Variants in RIT2 observed in about 807,000 individuals in gnomAD.
The protein encoded by RIT2 is GTP-binding protein Rit2.
A neutral mutation model predicts 23.7 loss-of-function variants in RIT2; 24 were observed. That is an observed-to-expected ratio of 1.01 (90% confidence interval 0.73 to 1.43). The LOEUF (loss-of-function observed/expected upper bound fraction) is 1.43. Ranked by LOEUF, RIT2 falls within the 40% of genes most tolerant of loss-of-function variation. The probability of loss-of-function intolerance (pLI) is 0.00; values close to 1 mark genes in which losing one functional copy is unlikely to be tolerated. For synonymous variants in RIT2, 107 were observed against 91.1 expected, an observed-to-expected ratio of 1.17 and a Z score of -0.99; for missense variants, 236 against 266.9, an observed-to-expected ratio of 0.88 and a Z score of 0.81.
chr18:42,924,614 T>A (rs1266082144), intron 3 of RIT2, among the ~76,000 whole-genome samples: 1 of 152,112 alleles, frequency 6.6e-6, no homozygotes, highest in Non-Finnish European at 1.5e-5. Flanking sequence ...GAAACTTAAC[T>A]TCTGTTGGTG....
At chr18:42,799,364 A>T (rs544194739) in intron 4 of RIT2, among the ~76,000 whole-genome samples, 1 of 152,230 alleles carries the variant, frequency 6.6e-6, no homozygotes, top group Admixed American at 6.5e-5. Context: ...TGCATTTCTC[A>T]TAAATAATCA....
At chr18:43,071,565 G>A (rs770121827) in intron 1 of RIT2, among the ~76,000 whole-genome samples, 2 of 152,070 alleles carry the variant, frequency 1.3e-5, no homozygotes, top group Non-Finnish European at 2.9e-5. Flanking sequence ...GTACACATAT[G>A]TGCCTTTTGA....
intron 4 of RIT2, among the ~76,000 whole-genome samples, chr18:42,891,154 T>G (rs2144093650): frequency 6.6e-6 from 1 of 152,132 alleles, no homozygotes; most frequent in East Asian, 1.9e-4. Flanking sequence ...AACAACAGAG[T>G]AGAGATGCAA....
intron 1 of RIT2, among the ~76,000 whole-genome samples, chr18:43,068,589 A>G (rs538234346): frequency 3.3e-5 from 5 of 152,314 alleles, no homozygotes; most frequent in African/African-American, 1.2e-4. Context: ...GCAGTGGTCA[A>G]TTGCATAACT....
chr18:43,015,062 G>A (rs1365369817), intron 2 of RIT2, among the ~76,000 whole-genome samples: 1 of 151,654 alleles, frequency 6.6e-6, no homozygotes, highest in Non-Finnish European at 1.5e-5. Context: ...GGAAAATGTA[G>A]GGTTATAAAG....
intron 3 of RIT2, among the ~76,000 whole-genome samples, chr18:42,942,186 C>G (rs1909620000): frequency 6.6e-6 from 1 of 152,026 alleles, no homozygotes. Context: ...CACTTAGACC[C>G]TAGAAATAAC....
At chr18:42,790,358 A>G (rs1270473024) in intron 4 of RIT2, among the ~76,000 whole-genome samples, 1 of 152,212 alleles carries the variant, frequency 6.6e-6, no homozygotes, top group Non-Finnish European at 1.5e-5. Flanking sequence ...CCTCCTGCCT[A>G]TGTTAAGGAT....
chr18:42,774,956 C>T (rs1913633558), intron 4 of RIT2, among the ~76,000 whole-genome samples: 1 of 152,114 alleles, frequency 6.6e-6, no homozygotes, highest in Non-Finnish European at 1.5e-5. Context: ...CTTTTGAGCA[C>T]ATTACACCTT....
intron 4 of RIT2, among the ~76,000 whole-genome samples, chr18:42,754,511 C>A (rs1416276250): frequency 6.6e-6 from 1 of 152,092 alleles, no homozygotes; most frequent in Non-Finnish European, 1.5e-5. Flanking sequence ...CATCTTTCTT[C>A]TCTCTCACTT....
chr18:42,761,081 G>C (rs1483046569), intron 4 of RIT2, among the ~76,000 whole-genome samples: 2 of 152,206 alleles, frequency 1.3e-5, no homozygotes, highest in South Asian at 2.1e-4. Flanking sequence ...ATGCAGGCTA[G>C]AGTCACTTTT....
rs1912842139 is a variant in RIT2, at chr18:42,743,517, C to T, written c.630G>A (p.Lys210=). The T allele has an allele frequency of 1.2e-6, 2 of 1,613,296 alleles. No homozygotes were observed. The highest frequency in any genetic ancestry group is 1.7e-6 in the Non-Finnish European group (2 of 1,179,554). The part of the protein sequence containing the change: ...SLWKKLKGSL[K]KKRENMT The stretch of plus-strand genomic sequence containing the variant: ...ATCATGTCATATTTTCTCTCTTCTT[C>T]TTCAAAGAACCTTTGAGCTTCTTCC... The change falls in exon 5 of 5, where the codon AAG becomes AAA. Residue 210 remains lysine, a synonymous_variant. Coordinates refer to ENST00000326695, the MANE Select transcript of RIT2 (RefSeq NM_002930.4).
intron 4 of RIT2, among the ~76,000 whole-genome samples, chr18:42,778,217 A>C (rs1037059611): frequency 7.9e-5 from 12 of 152,236 alleles, no homozygotes; most frequent in Admixed American, 6.5e-5. Flanking sequence ...CAATCAGAAC[A>C]GGAATTACAT....
intron 4 of RIT2, among the ~76,000 whole-genome samples, chr18:42,909,727 A>C (rs561326585): frequency 6.6e-6 from 1 of 152,178 alleles, no homozygotes; most frequent in South Asian, 2.1e-4. Flanking sequence ...AAATCACCCT[A>C]ATACAATAAA....
intron 4 of RIT2, among the ~76,000 whole-genome samples, chr18:42,794,921 A>G (rs1230521909): frequency 6.6e-6 from 1 of 152,242 alleles, no homozygotes; most frequent in Non-Finnish European, 1.5e-5. Context: ...CATACCATTT[A>G]CTTATGACAT....
chr18:42,953,300 C>G (rs1568038595), intron 3 of RIT2, among the ~76,000 whole-genome samples: 1 of 151,998 alleles, frequency 6.6e-6, no homozygotes, highest in African/African-American at 2.4e-5. Flanking sequence ...CTCCTAAAAC[C>G]TTATCCTTTA....
chr18:42,837,137 CT>C (rs1182682879), intron 4 of RIT2, among the ~76,000 whole-genome samples: 31 of 38,970 alleles, frequency 8.0e-4, no homozygotes, highest in African/African-American at 1.2e-3. Context: ...ATAAAAATTT[CT>C]TTTTTTTTCT....
intron 4 of RIT2, among the ~76,000 whole-genome samples, chr18:42,847,959 A>G (rs1906953177): frequency 6.7e-6 from 1 of 149,060 alleles, no homozygotes; most frequent in South Asian, 2.1e-4. Context: ...GAATTTAGTA[A>G]GTATTATGAT....
chr18:42,914,379 C>A (rs1908848164), intron 4 of RIT2, among the ~76,000 whole-genome samples: 1 of 152,022 alleles, frequency 6.6e-6, no homozygotes, highest in Non-Finnish European at 1.5e-5. Flanking sequence ...TAGCACCAAA[C>A]TGGAAATTAC....
At chr18:42,759,747 AC>A in intron 4 of RIT2, among the ~76,000 whole-genome samples, 1 of 128,132 alleles carries the variant, frequency 7.8e-6, no homozygotes, top group South Asian at 2.7e-4. Context: ...ACACACACAC[AC>A]ACACACATAC....
Sources: allele counts gnomAD v4.1 joint callset (sites outside exome capture counted in the v4.1 genomes callset), GRCh38; gene constraint gnomAD v4.1.1; transcripts MANE v1.5; gene names NCBI Gene and HGNC (gene_info 2026-07-23, HGNC 2026-07-21).